The following FAM78B variants were observed in gnomAD, a reference collection of about 807,000 sequenced individuals.
FAM78B encodes protein FAM78B.
Under a neutral mutation model 20.0 loss-of-function variants are expected in FAM78B, and 10 were observed. The ratio of observed to expected loss-of-function variants is 0.50; its 90% CI spans 0.31 to 0.85. The LOEUF is 0.85. Ranked by LOEUF, FAM78B falls within the 40% of genes least tolerant of loss-of-function variation. The pLI is 0.05. For missense variants in FAM78B, 283 were observed against 345.0 expected, an observed-to-expected ratio of 0.82 and a Z score of 1.42; for synonymous variants, 135 against 132.8, an observed-to-expected ratio of 1.02 and a Z score of -0.12.
At chr1:166,116,637 A>G (rs1422765642) in intron 1 of FAM78B, among the ~76,000 whole-genome samples, 3 of 152,246 alleles carry the variant, frequency 2.0e-5, no homozygotes, top group Non-Finnish European at 4.4e-5. Context: ...AGGACCCTTC[A>G]GAAAGAAGAG....
At chr1:166,149,483 A>G (rs1655596756) in intron 1 of FAM78B, among the ~76,000 whole-genome samples, 1 of 152,172 alleles carries the variant, frequency 6.6e-6, no homozygotes, top group South Asian at 2.1e-4. Context: ...CTTTTCCAGT[A>G]TCAGCTACTT....
At chr1:166,111,421 T>C (rs1654053565) in intron 1 of FAM78B, among the ~76,000 whole-genome samples, 1 of 152,236 alleles carries the variant, frequency 6.6e-6, no homozygotes, top group African/African-American at 2.4e-5. Flanking sequence ...GAGAACAAGT[T>C]AGAAATCTCA....
chr1:166,103,479 G>A (rs1653616196), intron 1 of FAM78B, among the ~76,000 whole-genome samples: 1 of 152,086 alleles, frequency 6.6e-6, no homozygotes, highest in Admixed American at 6.5e-5. Context: ...GAAGAAGAGA[G>A]AGGAGAATCA....
Position 166,070,074 on chromosome 1 carries a change from G to A in FAM78B, c.*167C>T, listed in dbSNP as rs1368096267. On this transcript the variant is annotated 3_prime_UTR_variant, in exon 2 of 2. Coordinates refer to ENST00000354422, the MANE Select transcript of FAM78B (RefSeq NM_001017961.5). ...GAAGGGATTTTTCCTAAGGATTATG[G>A]TTCTACCACCCAAGGAGCAGCCCTA... is the stretch of plus-strand genomic sequence containing the variant. 1.5e-6 allele frequency: 2 copies of A among 1,301,152 alleles called. No individual in the cohort carries two copies. The highest frequency in any genetic ancestry group is 1.5e-5 in the African/African-American group (1 of 67,418). 80.6% of individuals were successfully genotyped at this position (1,301,152 alleles called of 1,614,324 possible).
intron 1 of FAM78B, among the ~76,000 whole-genome samples, chr1:166,098,358 T>C (rs1047224429): frequency 6.6e-6 from 1 of 152,044 alleles, no homozygotes; most frequent in African/African-American, 2.4e-5. Flanking sequence ...AAAATCACAC[T>C]AGTTCATCAG....
chr1:166,064,332 T>C (rs1651718883), downstream of FAM78B, among the ~76,000 whole-genome samples: 1 of 152,228 alleles, frequency 6.6e-6, no homozygotes, highest in African/African-American at 2.4e-5. Context: ...ACATAAAACT[T>C]TGAATATATA....
Position 166,166,402 on chromosome 1 carries a change from G to A in FAM78B, c.-154C>T. On this transcript the variant is annotated 5_prime_UTR_variant, in exon 1 of 2. Coordinates refer to ENST00000354422, the MANE Select transcript of FAM78B (RefSeq NM_001017961.5). ...GAGCGGGGAGCCGCCGGGCATCCTT[G>A]GGGAAGCCCCCTCCTCTTGCAGCCG... 1.7e-6 allele frequency: 1 copy of A among 590,936 alleles called. No individual in the cohort carries two copies. Among genetic ancestry groups the A allele is most frequent in the South Asian group, 7.5e-5 (1 of 13,352 alleles). 36.6% of individuals were successfully genotyped at this position (590,936 alleles called of 1,614,324 possible). A position where few individuals can be genotyped will look rare whatever the true frequency, so the allele number is the denominator to read the frequency against.
At chr1:166,118,585 C>T (rs536504250) in intron 1 of FAM78B, among the ~76,000 whole-genome samples, 1 of 152,176 alleles carries the variant, frequency 6.6e-6, no homozygotes, top group African/African-American at 2.4e-5. Context: ...CAGCCATGCT[C>T]ATTCATTTAT....
intron 1 of FAM78B, among the ~76,000 whole-genome samples, chr1:166,079,742 T>C (rs12737393): frequency 0.21 from 32,421 of 152,196 alleles, 3,734 homozygotes; most frequent in Non-Finnish European, 0.26. Flanking sequence ...GGTAGGAGGA[T>C]AGAACTTACT....
intron 1 of FAM78B, among the ~76,000 whole-genome samples, chr1:166,161,532 AG>A (rs1656147869): frequency 6.6e-6 from 1 of 152,318 alleles, no homozygotes; most frequent in East Asian, 1.9e-4. Context: ...GGCAGACTGG[AG>A]GGGGACAAGA....
chr1:166,066,877 C>T (rs1054586028), downstream of FAM78B, among the ~76,000 whole-genome samples: 3 of 152,108 alleles, frequency 2.0e-5, no homozygotes, highest in Admixed American at 6.6e-5. Flanking sequence ...AGATGAGATT[C>T]GGGAGATGTG....
chr1:166,092,801 A>G (rs1653131673), intron 1 of FAM78B, among the ~76,000 whole-genome samples: 1 of 152,250 alleles, frequency 6.6e-6, no homozygotes, highest in Non-Finnish European at 1.5e-5. Context: ...ATACAGTGAG[A>G]GTAAAAGAGG....
intron 1 of FAM78B, among the ~76,000 whole-genome samples, chr1:166,133,778 TTC>T (rs970269954): frequency 8.5e-5 from 13 of 152,224 alleles, no homozygotes; most frequent in African/African-American, 3.1e-4. Context: ...TGGCTTCTCC[TTC>T]TCTGATGGCC....
chr1:166,158,806 G>A (rs1040073995), intron 1 of FAM78B, among the ~76,000 whole-genome samples: 6 of 152,242 alleles, frequency 3.9e-5, no homozygotes, highest in African/African-American at 1.4e-4. Context: ...TGTGCAGGCA[G>A]GCACCAATCC....
intron 1 of FAM78B, among the ~76,000 whole-genome samples, chr1:166,116,613 A>G (rs781401029): frequency 3.3e-5 from 5 of 152,220 alleles, no homozygotes; most frequent in Non-Finnish European, 5.9e-5. Flanking sequence ...GGGGTTAAAA[A>G]GTTCTTTTTC....
chr1:166,109,890 G>GTATATATGTGTATATATATATATATATA (rs1557903394), intron 1 of FAM78B, among the ~76,000 whole-genome samples: 2 of 23,194 alleles, frequency 8.6e-5, no homozygotes, highest in Non-Finnish European at 2.3e-4. Context: ...ATGTATATAT[G>GTATATATGTGTATATATATATATATATA]TATATATATA....
At chr1:166,090,363 G>A (rs913588407) in intron 1 of FAM78B, among the ~76,000 whole-genome samples, 1 of 152,086 alleles carries the variant, frequency 6.6e-6, no homozygotes, top group South Asian at 2.1e-4. Context: ...CTCAGGTTCC[G>A]GACAGGCAGA....
intron 1 of FAM78B, among the ~76,000 whole-genome samples, chr1:166,076,008 C>A (rs1557889900): frequency 6.6e-6 from 1 of 152,238 alleles, no homozygotes; most frequent in African/African-American, 2.4e-5. Flanking sequence ...CTCCTTTCCA[C>A]TATCCCCATC....
In FAM78B at chr1:166,069,940, T is replaced by A. The variant is rs1016184550; in HGVS notation, c.*301A>T. On this transcript the variant is annotated 3_prime_UTR_variant, in exon 2 of 2. Transcript: ENST00000354422. ...TCCCCTGCATCTCACAGGAAAGAAATGGTCAATAGTTCAGATAAAAGAATC... is the reference window on the plus strand; with the variant it reads ...TCCCCTGCATCTCACAGGAAAGAAAAGGTCAATAGTTCAGATAAAAGAATC... The A allele has an allele frequency of 3.7e-6, 4 of 1,070,450 alleles. No individual in the cohort carries two copies. Among genetic ancestry groups the A allele is most frequent in the Admixed American group, 5.1e-5 (1 of 19,594 alleles). The allele number at this position is 1,070,450 out of a possible 1,614,324, so 66.3% of individuals were successfully genotyped here. A position where few individuals can be genotyped will look rare whatever the true frequency, so the allele number is the denominator to read the frequency against.
Sources: allele counts gnomAD v4.1 joint callset (sites outside exome capture counted in the v4.1 genomes callset), GRCh38; gene constraint gnomAD v4.1.1; transcripts MANE v1.5; gene names NCBI Gene and HGNC (gene_info 2026-07-23, HGNC 2026-07-21).